Variants in CFAP46 observed in about 807,000 individuals in gnomAD.
CFAP46 encodes cilia and flagella associated protein 46.
Under a neutral mutation model 325.7 loss-of-function variants are expected in CFAP46, and 245 were observed. The observed-to-expected ratio is 0.75, with a 90% confidence interval of 0.68 to 0.84. The LOEUF (loss-of-function observed/expected upper bound fraction) is 0.84, where lower values mean the gene tolerates loss of function less well. Ranked by LOEUF, CFAP46 falls within the 40% of genes least tolerant of loss-of-function variation. The pLI, the probability that CFAP46 is intolerant of heterozygous loss-of-function variation, is 0.00. For synonymous variants in CFAP46, 1,523 were observed against 1,495.9 expected, an observed-to-expected ratio of 1.02 and a Z score of -0.42; for missense variants, 3,346 against 3,543.0, an observed-to-expected ratio of 0.94 and a Z score of 1.41.
chr10:132,937,485 A>G lies in CFAP46; in HGVS notation c.660+67T>C, dbSNP rs1209134235. ...CAGCAAACTTATGTAATTTCTACGC[A>G]GTTTTCTGAACAATGACTTTTAAGA... On this transcript the variant is annotated intron_variant, in intron 6 of 57. Transcript: ENST00000368586. 6 of 1,590,832 alleles carry G rather than the reference A, an allele frequency of 3.8e-6. 1 individual carries two copies. Among genetic ancestry groups the G allele is most frequent in the Middle Eastern group, 1.7e-4 (1 of 5,960 alleles).
At chr10:132,854,272 T>C (rs1848605684) in intron 39 of CFAP46, among the ~76,000 whole-genome samples, 1 of 152,246 alleles carries the variant, frequency 6.6e-6, no homozygotes, top group Admixed American at 6.5e-5. Context: ...TATTATGACA[T>C]TTGCTATTTA....
intron 41 of CFAP46, among the ~76,000 whole-genome samples, chr10:132,848,819 A>G (rs1251441477): frequency 6.6e-6 from 1 of 152,108 alleles, no homozygotes; most frequent in Non-Finnish European, 1.5e-5. Context: ...CACGCGCCTT[A>G]ATTTTCTGGG....
chr10:132,858,981 G>A (rs1848687108), intron 38 of CFAP46, 90 bp downstream of exon 38: 2 of 1,383,354 alleles, frequency 1.4e-6, no homozygotes, highest in Non-Finnish European at 9.8e-7. Context: ...CAGCCGGGGT[G>A]AGCCAGGCCC....
chr10:132,824,460 C>CAG (rs1301198475), intron 50 of CFAP46, among the ~76,000 whole-genome samples: 1 of 92,826 alleles, frequency 1.1e-5, no homozygotes, highest in Non-Finnish European at 2.1e-5. Flanking sequence ...GTGCTGTGTG[C>CAG]TGATGTGTGC....
intron 25 of CFAP46, among the ~76,000 whole-genome samples, chr10:132,891,148 C>T (rs1849248001): frequency 6.6e-6 from 1 of 152,182 alleles, no homozygotes; most frequent in Non-Finnish European, 1.5e-5. Flanking sequence ...GGCCAGACTT[C>T]GCGGCAGCCA....
chr10:132,820,775 G>A (rs553322028), intron 50 of CFAP46, among the ~76,000 whole-genome samples: 6 of 131,606 alleles, frequency 4.6e-5, no homozygotes, highest in South Asian at 2.9e-4. Flanking sequence ...CTGTGTGTGC[G>A]CTGATGCGTG....
chr10:132,814,526 G>T, intron 53 of CFAP46, 51 bp downstream of exon 53: 1 of 1,546,354 alleles, frequency 6.5e-7, no homozygotes. Context: ...AGGACGGCAG[G>T]AGGCCCGAGG....
intron 8 of CFAP46, among the ~76,000 whole-genome samples, chr10:132,932,590 G>GCGGCTTCCT (rs1439495131): frequency 6.8e-6 from 1 of 148,054 alleles, no homozygotes; most frequent in African/African-American, 2.5e-5. Context: ...CATAGATCCT[G>GCGGCTTCCT]CAGCTTCCTC....
chr10:132,822,032 CTGA>C (rs1188862617), intron 50 of CFAP46, among the ~76,000 whole-genome samples: 10 of 108,522 alleles, frequency 9.2e-5, no homozygotes, highest in Admixed American at 5.4e-4. Context: ...TGTGTGAGTG[CTGA>C]TGTGTGCTGA....
chr10:132,821,418 A>G lies in CFAP46; in HGVS notation c.7118-6504T>C, dbSNP rs1487962446. On this transcript the variant is annotated intron_variant, in intron 50 of 57. Coordinates refer to ENST00000368586, the MANE Select transcript of CFAP46 (RefSeq NM_001200049.3). ...CTGTGTGTGTGCTGTGTGCTGTGTG[A>G]GCGCTGATGTGTGCTGTGTGAGTGC... Among the ~76,000 whole-genome samples, 6 of 64,100 alleles carry G rather than the reference A, an allele frequency of 9.4e-5. No homozygotes were observed. In the Admixed American group the frequency reaches 9.6e-4, roughly 10 times the overall value. 42.1% of individuals were successfully genotyped at this position (64,100 alleles called of 152,430 possible).
In CFAP46 at chr10:132,880,896, G is replaced by A. The variant is rs1849032733; in HGVS notation, c.3764C>T (p.Pro1255Leu). Residue 1255 changes from proline to leucine, a missense_variant, in exon 28 of 58, where the codon CCC becomes CTC. Coordinates refer to ENST00000368586, the MANE Select transcript of CFAP46 (RefSeq NM_001200049.3). Reference protein sequence around the residue: ...AVEILLAMKPPGDVPEPQPTP... With the variant: ...AVEILLAMKPLGDVPEPQPTP... The stretch of plus-strand genomic sequence containing the variant: ...GGGCTGTGGCTCAGGGACATCGCCG[G>A]GCGGCTTCATGGCCAGCAGGATCTC... The A allele has an allele frequency of 5.8e-6, 9 of 1,549,850 alleles. No individual in the cohort carries two copies. The highest frequency in any genetic ancestry group is 7.8e-6 in the Non-Finnish European group (9 of 1,146,980).
chr10:132,882,666 C>T (rs534871073), intron 27 of CFAP46, among the ~76,000 whole-genome samples: 9 of 151,976 alleles, frequency 5.9e-5, no homozygotes, highest in South Asian at 4.2e-4. Context: ...TAGCTCAGGA[C>T]GTGCAGTGAG....
intron 50 of CFAP46, among the ~76,000 whole-genome samples, chr10:132,822,434 C>CTG (rs1193194060): frequency 8.0e-6 from 1 of 125,602 alleles, no homozygotes; most frequent in South Asian, 2.7e-4. Flanking sequence ...GTGATGTGTG[C>CTG]TGTGTGTGCA....
intron 28 of CFAP46, 69 bp downstream of exon 28, chr10:132,880,792 T>C: frequency 6.7e-7 from 1 of 1,502,046 alleles, no homozygotes; most frequent in Non-Finnish European, 8.9e-7. Flanking sequence ...GCGGTCCAGA[T>C]CACGGAGCAG....
At chr10:132,915,845 T>C (rs1045672934) in intron 17 of CFAP46, among the ~76,000 whole-genome samples, 1 of 152,210 alleles carries the variant, frequency 6.6e-6, no homozygotes, top group African/African-American at 2.4e-5. Flanking sequence ...GATTCGCTGA[T>C]TACCCAGATC....
intron 4 of CFAP46, among the ~76,000 whole-genome samples, chr10:132,940,277 C>T (rs949541208): frequency 6.6e-6 from 1 of 152,074 alleles, no homozygotes; most frequent in Non-Finnish European, 1.5e-5. Context: ...AACATTGTAT[C>T]CTATTTGAAT....
At chr10:132,834,251 G>A (rs1848200804) in intron 48 of CFAP46, 128 bp from the exon 49 acceptor site, 1 of 867,224 alleles carries the variant, frequency 1.2e-6, no homozygotes, top group African/African-American at 1.7e-5. Context: ...TCACTTCTGG[G>A]GATGGTCCCA....
chr10:132,812,955 C>T (rs1032754139), intron 54 of CFAP46, 58 bp from the exon 55 acceptor site: 5 of 1,369,684 alleles, frequency 3.7e-6, no homozygotes, highest in African/African-American at 1.4e-5. Flanking sequence ...CAGACCCCAC[C>T]GTGCGTTCTT....
intron 25 of CFAP46, among the ~76,000 whole-genome samples, chr10:132,891,637 C>T (rs1012134725): frequency 1.3e-5 from 2 of 152,192 alleles, no homozygotes; most frequent in Admixed American, 1.3e-4. Context: ...CAGGGCTTTT[C>T]CCTGAGCCAG....
Sources: allele counts gnomAD v4.1 joint callset (sites outside exome capture counted in the v4.1 genomes callset), GRCh38; gene constraint gnomAD v4.1.1; transcripts MANE v1.5; gene names NCBI Gene and HGNC (gene_info 2026-07-23, HGNC 2026-07-21).